The following SOX5 variants were observed in gnomAD, a reference collection of about 807,000 sequenced individuals.
The protein encoded by SOX5 is transcription factor SOX-5.
A neutral mutation model predicts 92.0 loss-of-function variants in SOX5; 9 were observed. The ratio of observed to expected loss-of-function variants is 0.10; its 90% CI spans 0.06 to 0.17. SOX5 has a LOEUF of 0.17. Ranked by LOEUF, SOX5 falls within the 10% of genes least tolerant of loss-of-function variation. SOX5 has a pLI of 1.00. For missense variants in SOX5, 642 were observed against 944.5 expected (o/e 0.68, Z 4.20); for synonymous variants, 344 against 336.3 (o/e 1.02, Z -0.25).
chr12:24,376,690 C>CTT lies in SOX5; in HGVS notation c.-250-8053_-250-8052dup, dbSNP rs1164391418. Among the ~76,000 whole-genome samples, 82 of 70,606 alleles carry CTT rather than the reference C, an allele frequency of 1.2e-3. 14 individuals carry two copies. Among genetic ancestry groups the CTT allele is most frequent in the African/African-American group, 4.0e-3 (71 of 17,746 alleles). 46.3% of individuals were successfully genotyped at this position (70,606 alleles called of 152,430 possible). ...CAGAATGATGCTATGGGAGAGATAC[C>CTT]TTTTTTTTTTTTTTTTTTTTTTTTT... On this transcript the variant is annotated intron_variant, in intron 1 of 4. Transcript: ENST00000446891.
Position 23,664,322 on chromosome 12 carries a change from C to CATATATATATAT in SOX5, c.931+1110_931+1121dup, listed in dbSNP as rs34331621. ...AGATGTTAATGGCACAATTCATTAACATATATATATATATAAGCCAAAATG... is the reference window on the plus strand; with the variant it reads ...AGATGTTAATGGCACAATTCATTAACATATATATATATATATATATATATATAAGCCAAAATG... On this transcript the variant is annotated intron_variant, in intron 7 of 14. Coordinates refer to ENST00000451604, the MANE Select transcript of SOX5 (RefSeq NM_006940.6). Among the ~76,000 whole-genome samples, 672 of 150,064 alleles carry CATATATATATAT rather than the reference C, an allele frequency of 4.5e-3. 2 individuals carry two copies. The highest frequency in any genetic ancestry group is 0.015 in the African/African-American group (621 of 40,950).
chr12:23,685,948 A>G (rs566323901), intron 6 of SOX5, among the ~76,000 whole-genome samples: 3 of 152,298 alleles, frequency 2.0e-5, no homozygotes, highest in South Asian at 2.1e-4. Context: ...TCCAACTTAG[A>G]GTCTTCATGT....
intron 2 of SOX5, among the ~76,000 whole-genome samples, chr12:23,864,686 A>G (rs1315965585): frequency 6.6e-6 from 1 of 152,186 alleles, no homozygotes; most frequent in Non-Finnish European, 1.5e-5. Context: ...GAAGGCTGAG[A>G]GAGGTGAGGA....
intron 3 of SOX5, among the ~76,000 whole-genome samples, chr12:24,263,006 GAGGTC>G (rs1485438498): frequency 6.6e-6 from 1 of 152,100 alleles, no homozygotes. Flanking sequence ...CAGATCACCT[GAGGTC>G]AGGAGTTCGA....
At chr12:24,401,220 C>T (rs769054939) in intron 1 of SOX5, among the ~76,000 whole-genome samples, 12 of 151,938 alleles carry the variant, frequency 7.9e-5, no homozygotes, top group South Asian at 6.2e-4. Flanking sequence ...GTCCTGGTGG[C>T]GTGTGCCTGT....
At chr12:23,566,748 T>G (rs1035110962) in intron 10 of SOX5, among the ~76,000 whole-genome samples, 5 of 152,216 alleles carry the variant, frequency 3.3e-5, no homozygotes, top group African/African-American at 1.2e-4. Context: ...TGAGTAAATA[T>G]CATCTTTTAT....
At chr12:23,672,315 T>G (rs1253927597) in intron 6 of SOX5, among the ~76,000 whole-genome samples, 1 of 152,184 alleles carries the variant, frequency 6.6e-6, no homozygotes, top group Non-Finnish European at 1.5e-5. Flanking sequence ...CTGACTGCTC[T>G]GCAGAAGCAA....
At chr12:23,685,478 T>C (rs1331385042) in intron 6 of SOX5, among the ~76,000 whole-genome samples, 2 of 152,144 alleles carry the variant, frequency 1.3e-5, no homozygotes, top group Admixed American at 6.6e-5. Context: ...TGTGTCTCTA[T>C]ACATTTGAAT....
At chr12:24,505,489 T>C (rs1948630472) in intron 1 of SOX5, among the ~76,000 whole-genome samples, 1 of 152,322 alleles carries the variant, frequency 6.6e-6, no homozygotes, top group Non-Finnish European at 1.5e-5. Context: ...ACGGAACTTC[T>C]TTTGAATATG....
At chr12:23,553,908 C>T (rs1944666312) in intron 11 of SOX5, among the ~76,000 whole-genome samples, 3 of 152,038 alleles carry the variant, frequency 2.0e-5, no homozygotes, top group Admixed American at 2.0e-4. Flanking sequence ...ATAAAACTGG[C>T]AGGATTCTTA....
At chr12:24,322,256 C>T (rs1164140059) in intron 2 of SOX5, among the ~76,000 whole-genome samples, 1 of 152,110 alleles carries the variant, frequency 6.6e-6, no homozygotes, top group East Asian at 1.9e-4. Flanking sequence ...GAGATGTACA[C>T]ATTTTGTTTC....
At chr12:23,536,331 A>C in intron 14 of SOX5, 122 bp downstream of exon 14, 1 of 767,282 alleles carries the variant, frequency 1.3e-6, no homozygotes, top group Non-Finnish European at 2.1e-6. Context: ...TTGTCTCTGA[A>C]AATACTGTGA....
intron 5 of SOX5, among the ~76,000 whole-genome samples, chr12:23,735,946 A>T (rs2093575727): frequency 6.6e-6 from 1 of 152,162 alleles, no homozygotes; most frequent in Non-Finnish European, 1.5e-5. Flanking sequence ...GGTGGAGGCC[A>T]TGTATATTTT....
At chr12:23,626,558 A>G (rs1045372965) in intron 8 of SOX5, among the ~76,000 whole-genome samples, 4 of 150,328 alleles carry the variant, frequency 2.7e-5, no homozygotes, top group African/African-American at 9.8e-5. Context: ...TTCTTCTCCC[A>G]TTTTTTCCTT....
intron 4 of SOX5, among the ~76,000 whole-genome samples, chr12:23,995,651 T>A (rs1417648719): frequency 1.3e-5 from 2 of 152,190 alleles, no homozygotes; most frequent in Non-Finnish European, 2.9e-5. Flanking sequence ...TGAGCTACGA[T>A]CATGCCACTG....
At chr12:24,497,972 C>T (rs1947816559) in intron 1 of SOX5, among the ~76,000 whole-genome samples, 1 of 152,038 alleles carries the variant, frequency 6.6e-6, no homozygotes. Flanking sequence ...CTGCACGTTC[C>T]CACCTATAGA....
chr12:24,266,766 G>A (rs1943075895), intron 3 of SOX5, among the ~76,000 whole-genome samples: 1 of 152,118 alleles, frequency 6.6e-6, no homozygotes, highest in African/African-American at 2.4e-5. Context: ...TCCGCCTAAT[G>A]TACTGCAAAT....
rs1006434116 is a variant in SOX5 at position 23,532,111 on chromosome 12, C to CTAT, written c.*2105_*2107dup. 1.3e-5 allele frequency: 2 copies of CTAT among 150,622 alleles called. No individual in the cohort carries two copies. Among genetic ancestry groups the CTAT allele is most frequent in the South Asian group, 2.1e-4 (1 of 4,774 alleles). The allele number at this position is 150,622 out of a possible 1,614,324, so 9.3% of individuals were successfully genotyped here. A position where few individuals can be genotyped will look rare whatever the true frequency, so the allele number is the denominator to read the frequency against. On this transcript the variant is annotated 3_prime_UTR_variant, in exon 15 of 15. Coordinates refer to ENST00000451604, the MANE Select transcript of SOX5 (RefSeq NM_006940.6). ...CAGCTGACCATTATTATTATTATTA[C>CTAT]TATTATTATTATTATTTTATCATCA...
intron 2 of SOX5, among the ~76,000 whole-genome samples, chr12:24,331,013 C>T (rs879310749): frequency 3.3e-5 from 5 of 152,110 alleles, no homozygotes; most frequent in African/African-American, 4.8e-5. Context: ...CCAGTCTCCC[C>T]GGAGCTCCAG....
Sources: gnomAD v4.1 joint callset for allele counts (sites outside exome capture counted in the v4.1 genomes callset) on GRCh38, gnomAD v4.1.1 for gene constraint, MANE v1.5 for transcripts, NCBI Gene and HGNC (gene_info 2026-07-23, HGNC 2026-07-21) for gene names.